Variants in B4GALT2 observed in about 807,000 individuals in gnomAD.
B4GALT2 encodes beta-1,4-galactosyltransferase 2, also known as N-acetyllactosamine synthase.
Under a neutral mutation model 33.2 loss-of-function variants are expected in B4GALT2, and 18 were observed. The ratio of observed to expected loss-of-function variants is 0.54; its 90% confidence interval spans 0.38 to 0.80. The LOEUF is 0.80. Among genes scored for constraint, B4GALT2 ranks in the 30% least tolerant of loss-of-function variants. The pLI is 0.00. For missense variants in B4GALT2, 404 were observed against 526.2 expected (o/e 0.77, Z 2.27); for synonymous variants, 214 against 217.6 (o/e 0.98, Z 0.15).
Position 43,985,634 on chromosome 1 carries a change from C to T in B4GALT2, c.968+13C>T. On this transcript the variant is annotated intron_variant, in intron 6 of 6. Transcript: ENST00000372324. ...CTAACCCTCAGAGGTGACCCCAGCA[C>T]CCTCACCCCTTACTCCCCAGAGGCA... 1 of 1,612,708 alleles carries T rather than the reference C, an allele frequency of 6.2e-7. No individual in the cohort carries two copies. The highest frequency in any genetic ancestry group is 1.1e-5 in the South Asian group (1 of 91,056).
intron 3 of B4GALT2, among the ~76,000 whole-genome samples, chr1:43,983,099 G>A (rs2085618382): frequency 6.6e-6 from 1 of 152,188 alleles, no homozygotes; most frequent in Non-Finnish European, 1.5e-5. Context: ...CTGGGGGAGT[G>A]TGACTCTGAA....
Position 43,984,818 on chromosome 1 carries a change from CT to C in B4GALT2, c.550-45del. 1.9e-6 allele frequency: 3 copies of C among 1,586,096 alleles called. No individual in the cohort carries two copies. The highest frequency in any genetic ancestry group is 2.6e-6 in the Non-Finnish European group (3 of 1,160,704). On this transcript the variant is annotated intron_variant, in intron 3 of 6. Coordinates refer to ENST00000372324, the MANE Select transcript of B4GALT2 (RefSeq NM_003780.5). This position sits in a 1 kb window ranked among gnomAD's most constrained non-coding sequence, Gnocchi z 5.6. ...CTGGAGAGTGGCAAAAGGGCAGGTGCTTGTTGGTCACAGGCCCAGGGTTGAC... is the reference window on the plus strand; with the variant it reads ...CTGGAGAGTGGCAAAAGGGCAGGTGCTGTTGGTCACAGGCCCAGGGTTGAC...
In B4GALT2 at chr1:43,990,710, A is replaced by G; in HGVS notation, c.*262A>G. ...CCCTCCCCCTAGCCCAGCCCCAGTCACTGTCAGGGTCGGGCCAGCCCCTGC... is the reference window on the plus strand; with the variant it reads ...CCCTCCCCCTAGCCCAGCCCCAGTCGCTGTCAGGGTCGGGCCAGCCCCTGC... On this transcript the variant is annotated 3_prime_UTR_variant, in exon 7 of 7. Coordinates refer to ENST00000372324, the MANE Select transcript of B4GALT2 (RefSeq NM_003780.5). The G allele has an allele frequency of 1.9e-6, 1 of 513,168 alleles. No homozygotes were observed. Among genetic ancestry groups the G allele is most frequent in the Admixed American group, 3.2e-5 (1 of 30,878 alleles). 31.8% of individuals were successfully genotyped at this position (513,168 alleles called of 1,614,324 possible). A position where few individuals can be genotyped will look rare whatever the true frequency, so the allele number is the denominator to read the frequency against.
rs958855125 is a variant in B4GALT2 at position 43,979,697 on chromosome 1, C to T, written c.-53+186C>T. ...CTCCGGCGCCCCTCCTGGGCTTCTC[C>T]GCCCGCGTCCAGCCGGCCTCCCTCA... is the stretch of plus-strand genomic sequence containing the variant. On this transcript the variant is annotated intron_variant, in intron 1 of 6. Coordinates refer to ENST00000372324, the MANE Select transcript of B4GALT2 (RefSeq NM_003780.5). The surrounding 1 kb of genome is among the most constrained non-coding windows in gnomAD (Gnocchi z 4.8). The T allele has an allele frequency of 5.9e-5, 16 of 272,544 alleles. No homozygotes were observed. Among genetic ancestry groups the T allele is most frequent in the Non-Finnish European group, 1.1e-4 (16 of 142,208 alleles). The allele number at this position is 272,544 out of a possible 1,614,324, so 16.9% of individuals were successfully genotyped here.
In B4GALT2 at chr1:43,990,460, A is replaced by C; in HGVS notation, c.*12A>C. 6.2e-7 allele frequency: 1 copy of C among 1,613,902 alleles called. No individual in the cohort carries two copies. The highest frequency in any genetic ancestry group is 8.5e-7 in the Non-Finnish European group (1 of 1,179,954). On this transcript the variant is annotated 3_prime_UTR_variant, in exon 7 of 7. Transcript: ENST00000372324. ...CCCCTCGGGGCTGACACTAATGGAC[A>C]GAGGCTCTCGGTGCCGAAGATTGCC...
At position 43,981,371 on chromosome 1, in the gene B4GALT2, A is replaced by G; in HGVS notation, c.211A>G (p.Asn71Asp). ...CAGCAGCAGCAACTGCTCCCGGCCC[A>G]ACGCCACCGCCTCTAGCTCCGGGCT... Reference protein sequence around the residue: ...SSSSSNCSRPNATASSSGLPE... With the variant: ...SSSSSNCSRPDATASSSGLPE... Residue 71 changes from asparagine (N) to aspartate (D), a missense_variant, in exon 2 of 7, where the codon AAC (asparagine) becomes GAC (aspartate). Transcript: ENST00000372324. The surrounding 1 kb of genome is among the most constrained non-coding windows in gnomAD (Gnocchi z 8.1). 2 of 1,598,866 alleles carry G rather than the reference A, an allele frequency of 1.3e-6. No individual in the cohort carries two copies. The highest frequency in any genetic ancestry group is 1.7e-6 in the Non-Finnish European group (2 of 1,179,704).
In B4GALT2 at chr1:43,984,793, C is replaced by A; in HGVS notation, c.550-72C>A. 1.3e-6 allele frequency: 2 copies of A among 1,507,648 alleles called. No homozygotes were observed. The highest frequency in any genetic ancestry group is 1.2e-5 in the South Asian group (1 of 83,182). 93.4% of individuals were successfully genotyped at this position (1,507,648 alleles called of 1,614,324 possible). On this transcript the variant is annotated intron_variant, in intron 3 of 6. Coordinates refer to ENST00000372324, the MANE Select transcript of B4GALT2 (RefSeq NM_003780.5). The surrounding 1 kb of genome is among the most constrained non-coding windows in gnomAD (Gnocchi z 5.6). ...GGCTGGTAGATCCCCAGAGACTGCT[C>A]TGGAGAGTGGCAAAAGGGCAGGTGC...
At chr1:43,990,124 G>A (rs1273214926) in intron 6 of B4GALT2, among the ~76,000 whole-genome samples, 174 bp from the exon 7 acceptor site, 3 of 152,160 alleles carry the variant, frequency 2.0e-5, no homozygotes, top group African/African-American at 7.2e-5. Context: ...AAGGGCGTGG[G>A]CATAACATGG....
chr1:43,984,764 AG>A lies in B4GALT2; in HGVS notation c.550-96del. Reference sequence around the variant, plus strand: ...GAGAGCCTGGAGGAGCCATGCAGCGAGGGGGCTGGTAGATCCCCAGAGACTG... The same window carrying A: ...GAGAGCCTGGAGGAGCCATGCAGCGAGGGGCTGGTAGATCCCCAGAGACTG... On this transcript the variant is annotated intron_variant, in intron 3 of 6. Coordinates refer to ENST00000372324, the MANE Select transcript of B4GALT2 (RefSeq NM_003780.5). The surrounding 1 kb of genome is among the most constrained non-coding windows in gnomAD (Gnocchi z 5.6). 8.1e-7 allele frequency: 1 copy of A among 1,242,128 alleles called. No individual in the cohort carries two copies. The highest frequency in any genetic ancestry group is 1.1e-6 in the Non-Finnish European group (1 of 891,960). The allele number at this position is 1,242,128 out of a possible 1,614,324, so 76.9% of individuals were successfully genotyped here.
In B4GALT2 at chr1:43,981,156, G is replaced by A. The variant is rs1291605931; in HGVS notation, c.-5G>A. On this transcript the variant is annotated 5_prime_UTR_variant, in exon 2 of 7. Transcript: ENST00000372324. This position sits in a 1 kb window ranked among gnomAD's most constrained non-coding sequence, Gnocchi z 8.1. ...CCACTGGGCGGGCCAGTGGCCGCCT[G>A]CGGGATGAGCAGACTGCTGGGGGGG... The A allele has an allele frequency of 3.1e-6, 5 of 1,598,470 alleles. No individual in the cohort carries two copies. The South Asian group carries it at 5.5e-5, about 18-fold the overall frequency.
rs751963960 is a variant in B4GALT2 at position 43,985,452 on chromosome 1, G to GGT, written c.863+52_863+53insGT. 3.7e-5 allele frequency: 31 copies of GGT among 846,292 alleles called. No individual in the cohort carries two copies. In the African/African-American group the frequency reaches 5.6e-4, roughly 15 times the overall value. The allele number at this position is 846,292 out of a possible 1,614,324, so 52.4% of individuals were successfully genotyped here. Reference sequence around the variant, plus strand: ...GCTGGGTGGGGGGGGGAGGGGGGGTGCAGACTGGGTGGGGTTCTTTGCCCT... The same window carrying GGT: ...GCTGGGTGGGGGGGGGAGGGGGGGTGGTCAGACTGGGTGGGGTTCTTTGCCCT... On this transcript the variant is annotated intron_variant, in intron 5 of 6. Transcript: ENST00000372324.
Position 43,979,908 on chromosome 1 carries a change from C to T in B4GALT2, c.-53+397C>T. ...AGCCTGCCAGCCCCGCCCAAACGCACCCCTCAGCCTGGCCGCCAGCCTGAC... is the reference window on the plus strand; with the variant it reads ...AGCCTGCCAGCCCCGCCCAAACGCATCCCTCAGCCTGGCCGCCAGCCTGAC... On this transcript the variant is annotated intron_variant, in intron 1 of 6. Transcript: ENST00000372324. This position sits in a 1 kb window ranked among gnomAD's most constrained non-coding sequence, Gnocchi z 4.8. 7.4e-7 allele frequency: 1 copy of T among 1,357,392 alleles called. No homozygotes were observed. The highest frequency in any genetic ancestry group is 1.0e-6 in the Non-Finnish European group (1 of 1,000,288). 84.1% of individuals were successfully genotyped at this position (1,357,392 alleles called of 1,614,324 possible). A position where few individuals can be genotyped will look rare whatever the true frequency, so the allele number is the denominator to read the frequency against.
rs1448203083 is a variant in B4GALT2 at position 43,985,060 on chromosome 1, G to T, written c.740+5G>T. 6.2e-7 allele frequency: 1 copy of T among 1,613,372 alleles called. No individual in the cohort carries two copies. Among genetic ancestry groups the T allele is most frequent in the Admixed American group, 1.7e-5 (1 of 60,006 alleles). On this transcript the variant is annotated splice_donor_5th_base_variant and intron_variant, in intron 4 of 6. Coordinates refer to ENST00000372324, the MANE Select transcript of B4GALT2 (RefSeq NM_003780.5). ...CATGGACAAGTTTGGCTTCCGGTGA[G>T]GGCTCTCTTCTCAGCTGGACCCAGC...
chr1:43,985,722 C>A (rs945718631), intron 6 of B4GALT2, 101 bp downstream of exon 6: 2 of 1,086,486 alleles, frequency 1.8e-6, no homozygotes, highest in Non-Finnish European at 2.8e-6. Flanking sequence ...CAGTGGGGGA[C>A]CTCCAAGCAT....
chr1:43,987,517 C>T (rs535789265), intron 6 of B4GALT2, among the ~76,000 whole-genome samples: 47 of 152,264 alleles, frequency 3.1e-4, no homozygotes, highest in Middle Eastern at 3.4e-3. Flanking sequence ...TTTCCTCACC[C>T]TACATATCCA....
chr1:43,989,236 C>G (rs959315822), intron 6 of B4GALT2, among the ~76,000 whole-genome samples: 2 of 148,760 alleles, frequency 1.3e-5, no homozygotes, highest in African/African-American at 4.9e-5. Context: ...ATCCCAGCTA[C>G]TCAGAAGGCT....
At position 43,985,000 on chromosome 1, in the gene B4GALT2, C is replaced by T. The variant is rs749541889; in HGVS notation, c.685C>T (p.Arg229Cys). The change falls in exon 4 of 7, where the codon CGC becomes TGC. Residue 229 changes from arginine to cysteine, a missense_variant. By Grantham distance (180) the Arg-to-Cys change is radical (BLOSUM62 -3). Coordinates refer to ENST00000372324, the MANE Select transcript of B4GALT2 (RefSeq NM_003780.5). The surrounding 1 kb of genome is among the most constrained non-coding windows in gnomAD (Gnocchi z 5.6). ...CCCCATGGATGACCGCAACCTATACCGCTGCGGCGACCAACCCCGCCACTT... is the reference window on the plus strand; with the variant it reads ...CCCCATGGATGACCGCAACCTATACTGCTGCGGCGACCAACCCCGCCACTT... Reference protein sequence around the residue: ...LVPMDDRNLYRCGDQPRHFAI... With the variant: ...LVPMDDRNLYCCGDQPRHFAI... 4.5e-5 allele frequency: 73 copies of T among 1,613,124 alleles called. No homozygotes were observed. Among genetic ancestry groups the T allele is most frequent in the Admixed American group, 1.0e-4 (6 of 59,992 alleles).
chr1:43,987,295 T>A (rs2085669097), intron 6 of B4GALT2, among the ~76,000 whole-genome samples: 2 of 152,078 alleles, frequency 1.3e-5, no homozygotes, highest in South Asian at 2.1e-4. Context: ...GAATGTTGGA[T>A]TCATGGATTG....
Position 43,981,004 on chromosome 1 carries a change from G to A in B4GALT2, c.-52-105G>A. On this transcript the variant is annotated intron_variant, in intron 1 of 6. Coordinates refer to ENST00000372324, the MANE Select transcript of B4GALT2 (RefSeq NM_003780.5). This position sits in a 1 kb window ranked among gnomAD's most constrained non-coding sequence, Gnocchi z 8.1. ...TGTGAAAGGGTATGAGCAGGTCAGTGTGAGGTGTGGCCCACGAGTGTGAGC... is the reference window on the plus strand; with the variant it reads ...TGTGAAAGGGTATGAGCAGGTCAGTATGAGGTGTGGCCCACGAGTGTGAGC... 7.2e-7 allele frequency: 1 copy of A among 1,392,910 alleles called. No individual in the cohort carries two copies. The highest frequency in any genetic ancestry group is 1.4e-5 in the African/African-American group (1 of 69,132). 86.3% of individuals were successfully genotyped at this position (1,392,910 alleles called of 1,614,324 possible).
Sources: allele counts gnomAD v4.1 joint callset (sites outside exome capture counted in the v4.1 genomes callset), GRCh38; gene constraint gnomAD v4.1.1; non-coding constraint Gnocchi (gnomAD v3.1); transcripts MANE v1.5; gene names NCBI Gene and HGNC (gene_info 2026-07-23, HGNC 2026-07-21).